MSL2: variants seen among roughly 807,000 people sequenced by gnomAD.
The protein encoded by MSL2 is E3 ubiquitin-protein ligase MSL2.
MSL2 carries 2 observed loss-of-function variants against 35.8 expected under a neutral mutation model. That is an observed-to-expected ratio of 0.06 (90% CI 0.02 to 0.18). The LOEUF (loss-of-function observed/expected upper bound fraction) is 0.18, where lower values mean the gene tolerates loss of function less well. Ranked by LOEUF, MSL2 falls within the 10% of genes least tolerant of loss-of-function variation. The probability of loss-of-function intolerance (pLI) is 1.00; values close to 1 mark genes in which losing one functional copy is unlikely to be tolerated. For synonymous variants in MSL2, 296 were observed against 255.7 expected, an observed-to-expected ratio of 1.16 and a Z score of -1.50; for missense variants, 523 against 706.7, an observed-to-expected ratio of 0.74 and a Z score of 2.95.
At chr3:136,178,464 G>A (rs1940244138) in intron 1 of MSL2, among the ~76,000 whole-genome samples, 2 of 151,418 alleles carry the variant, frequency 1.3e-5, no homozygotes, top group African/African-American at 4.9e-5. Context: ...AAATACATTA[G>A]CATCTTAAAA....
chr3:136,161,043 C>A (rs1025724159), intron 1 of MSL2, among the ~76,000 whole-genome samples: 1 of 151,126 alleles, frequency 6.6e-6, no homozygotes, highest in Non-Finnish European at 1.5e-5. Context: ...GCCAAGAGAG[C>A]GCCACTGCAC....
chr3:136,194,819 C>A (rs1940789856), intron 1 of MSL2, among the ~76,000 whole-genome samples, 153 bp downstream of exon 1: 1 of 152,060 alleles, frequency 6.6e-6, no homozygotes, highest in African/African-American at 2.4e-5. Context: ...GGCAAAAGTC[C>A]CTCAGCAAGT....
intron 1 of MSL2, among the ~76,000 whole-genome samples, chr3:136,191,685 A>T (rs1401574776): frequency 3.3e-5 from 5 of 152,230 alleles, no homozygotes; most frequent in African/African-American, 9.6e-5. Context: ...AGGTGGAAGG[A>T]CTGCATGAAT....
At chr3:136,193,665 T>G (rs2108101192) in intron 1 of MSL2, among the ~76,000 whole-genome samples, 1 of 152,076 alleles carries the variant, frequency 6.6e-6, no homozygotes, top group Middle Eastern at 3.4e-3. Context: ...ACACTTACAT[T>G]TGTAAAACTT....
chr3:136,170,576 G>A (rs934436936), intron 1 of MSL2, among the ~76,000 whole-genome samples: 12 of 142,658 alleles, frequency 8.4e-5, no homozygotes, highest in Admixed American at 5.8e-4. Flanking sequence ...GTGCAGTGGC[G>A]TGATCTCGGC....
At position 136,149,852 on chromosome 3, in the gene MSL2, T is replaced by C. The variant is rs1939297700; in HGVS notation, c.*1295A>G. 2.6e-5 allele frequency: 4 copies of C among 152,418 alleles called. No homozygotes were observed. The South Asian group carries it at 8.3e-4, about 32-fold the overall frequency. The allele number at this position is 152,418 out of a possible 1,614,324, so 9.4% of individuals were successfully genotyped here. On this transcript the variant is annotated 3_prime_UTR_variant, in exon 2 of 2. Transcript: ENST00000309993. Reference sequence around the variant, plus strand: ...GTAGAAATTGGAAATTTTCCAGCAGTATTTTTCTTTAAATAAGCACTGTCA... The same window carrying C: ...GTAGAAATTGGAAATTTTCCAGCAGCATTTTTCTTTAAATAAGCACTGTCA...
At position 136,151,581 on chromosome 3, in the gene MSL2, C is replaced by T. The variant is rs1939369372; in HGVS notation, c.1300G>A (p.Val434Ile). The T allele has an allele frequency of 7.4e-6, 12 of 1,614,080 alleles. No individual in the cohort carries two copies. Among genetic ancestry groups the T allele is most frequent in the Non-Finnish European group, 1.0e-5 (12 of 1,180,014 alleles). ...TGATGACTAGGAATCTTTTCCTTTA[C>T]TGCTTTGTCTTTTTTAAGAATACCT... ...KPGILKKDKA[V>I]KEKIPSHHFM... Residue 434 changes from valine to isoleucine, a missense_variant, in exon 2 of 2, where the codon GTA (valine) becomes ATA (isoleucine). By Grantham distance (29) the Val-to-Ile change is conservative. Coordinates refer to ENST00000309993, the MANE Select transcript of MSL2 (RefSeq NM_018133.4). This position sits in a 1 kb window ranked among gnomAD's most constrained non-coding sequence, Gnocchi z 5.2.
chr3:136,183,106 A>G (rs1940415520), intron 1 of MSL2, among the ~76,000 whole-genome samples: 1 of 151,968 alleles, frequency 6.6e-6, no homozygotes, highest in African/African-American at 2.4e-5. Flanking sequence ...CCAGCAACAA[A>G]GTAAAATTTT....
intron 1 of MSL2, among the ~76,000 whole-genome samples, chr3:136,156,352 G>C (rs1318005531): frequency 1.3e-5 from 2 of 152,184 alleles, no homozygotes; most frequent in Admixed American, 1.3e-4. Context: ...AAGCAAATGG[G>C]AGAGGGAGGT....
chr3:136,167,867 A>G (rs551981184), intron 1 of MSL2, among the ~76,000 whole-genome samples: 1 of 152,334 alleles, frequency 6.6e-6, no homozygotes, highest in African/African-American at 2.4e-5. Flanking sequence ...ATGAAAGAGA[A>G]AAATAACAGT....
chr3:136,181,471 T>C (rs1205342314), intron 1 of MSL2, among the ~76,000 whole-genome samples: 1 of 152,202 alleles, frequency 6.6e-6, no homozygotes, highest in Non-Finnish European at 1.5e-5. Context: ...ACATTTAAAA[T>C]GTTTTCTCTT....
chr3:136,195,402 T>C lies in MSL2; in HGVS notation c.-289A>G. 5 of 1,144,836 alleles carry C rather than the reference T, an allele frequency of 4.4e-6. No individual in the cohort carries two copies. Among genetic ancestry groups the C allele is most frequent in the Non-Finnish European group, 5.4e-6 (5 of 929,726 alleles). 70.9% of individuals were successfully genotyped at this position (1,144,836 alleles called of 1,614,324 possible). A position where few individuals can be genotyped will look rare whatever the true frequency, so the allele number is the denominator to read the frequency against. On this transcript the variant is annotated 5_prime_UTR_variant, in exon 1 of 2. Coordinates refer to ENST00000309993, the MANE Select transcript of MSL2 (RefSeq NM_018133.4). ...ACCACAGAGCGCAGAACGCGGCGGC[T>C]TGGGCGCTCGGGGCGGGACTCGGAG...
intron 1 of MSL2, among the ~76,000 whole-genome samples, chr3:136,169,155 T>C (rs978248016): frequency 1.4e-5 from 2 of 141,670 alleles, no homozygotes; most frequent in South Asian, 2.3e-4. Flanking sequence ...TGTACAGGAA[T>C]GTAGTCTTGG....
rs1939255547 is a variant in MSL2 at position 136,149,074 on chromosome 3, T to C, written c.*2073A>G. On this transcript the variant is annotated 3_prime_UTR_variant, in exon 2 of 2. Transcript: ENST00000309993. ...TTACATAACAATCAAGGCCCTCACA[T>C]ACTAATGATTTCCACTTTGTCTATA... 1 of 150,956 alleles carries C rather than the reference T, an allele frequency of 6.6e-6. No individual in the cohort carries two copies. The allele number at this position is 150,956 out of a possible 1,614,324, so 9.4% of individuals were successfully genotyped here. A position where few individuals can be genotyped will look rare whatever the true frequency, so the allele number is the denominator to read the frequency against.
At chr3:136,190,998 G>T (rs943056854) in intron 1 of MSL2, among the ~76,000 whole-genome samples, 3 of 152,084 alleles carry the variant, frequency 2.0e-5, no homozygotes, top group African/African-American at 7.2e-5. Flanking sequence ...ACATATCAAA[G>T]AACAGTAATA....
Position 136,195,184 on chromosome 3 carries a change from G to C in MSL2, c.-71C>G, listed in dbSNP as rs1395229427. 9.0e-6 allele frequency: 14 copies of C among 1,550,208 alleles called. No individual in the cohort carries two copies. The highest frequency in any genetic ancestry group is 2.2e-5 in the Admixed American group (1 of 46,122). The stretch of plus-strand genomic sequence containing the variant: ...GGATCCAACTTAGTAAGCAGCCAGG[G>C]AACGATGGCGAATTTGCAACAATTC... On this transcript the variant is annotated 5_prime_UTR_variant, in exon 1 of 2. Transcript: ENST00000309993.
At position 136,195,144 on chromosome 3, in the gene MSL2, T is replaced by A. The variant is rs372572175; in HGVS notation, c.-31A>T. 2 of 1,568,860 alleles carry A rather than the reference T, an allele frequency of 1.3e-6. No individual in the cohort carries two copies. Among genetic ancestry groups the A allele is most frequent in the African/African-American group, 1.4e-5 (1 of 72,404 alleles). ...ACACTTCGACACCAATGGCTCCCGG[T>A]TGAAAAGAAATTCCGGATCCAACTT... On this transcript the variant is annotated 5_prime_UTR_variant, in exon 1 of 2. Coordinates refer to ENST00000309993, the MANE Select transcript of MSL2 (RefSeq NM_018133.4).
intron 1 of MSL2, among the ~76,000 whole-genome samples, chr3:136,158,431 A>C (rs1361247629): frequency 6.6e-6 from 1 of 152,184 alleles, no homozygotes; most frequent in African/African-American, 2.4e-5. Flanking sequence ...ATTCACACAC[A>C]CACACAAATT....
In MSL2 at chr3:136,149,387, TAAAGG is replaced by T; in HGVS notation, c.*1755_*1759del. On this transcript the variant is annotated 3_prime_UTR_variant, in exon 2 of 2. Coordinates refer to ENST00000309993, the MANE Select transcript of MSL2 (RefSeq NM_018133.4). ...CGTTTCATAAGACACTGCTAACACT[TAAAGG>T]AATTAAATAAAATTCCAAATCTTGG... 6.6e-6 allele frequency: 1 copy of T among 152,558 alleles called. No homozygotes were observed. Among genetic ancestry groups the T allele is most frequent in the Middle Eastern group, 3.4e-3 (1 of 294 alleles). The allele number at this position is 152,558 out of a possible 1,614,324, so 9.5% of individuals were successfully genotyped here.
Sources: allele counts gnomAD v4.1 joint callset (sites outside exome capture counted in the v4.1 genomes callset), GRCh38; gene constraint gnomAD v4.1.1; non-coding constraint Gnocchi (gnomAD v3.1); transcripts MANE v1.5; gene names NCBI Gene and HGNC (gene_info 2026-07-23, HGNC 2026-07-21).